TEAD1: variants seen among roughly 807,000 people sequenced by gnomAD.
TEAD1 encodes the protein transcriptional enhancer factor TEF-1.
A neutral mutation model predicts 54.9 loss-of-function variants in TEAD1; 9 were observed. The observed-to-expected ratio is 0.16, with a 90% CI of 0.10 to 0.29. The LOEUF is 0.29. TEAD1 is among the 10% of genes least tolerant of loss of function. The pLI is 1.00. For missense variants in TEAD1, 387 were observed against 535.9 expected (o/e 0.72, Z 2.74); for synonymous variants, 200 against 187.8 (o/e 1.07, Z -0.53).
chr11:12,783,710 A>T (rs187582841), intron 3 of TEAD1, among the ~76,000 whole-genome samples: 3 of 152,268 alleles, frequency 2.0e-5, no homozygotes, highest in Admixed American at 2.0e-4. Context: ...TCCCTCAGGG[A>T]TGGACAAAGT....
At chr11:12,678,735 G>T (rs913458438) in intron 2 of TEAD1, among the ~76,000 whole-genome samples, 1 of 152,132 alleles carries the variant, frequency 6.6e-6, no homozygotes, top group Non-Finnish European at 1.5e-5. Flanking sequence ...GTGTTTTTCT[G>T]TGGGTTTTTA....
At chr11:12,686,186 T>C (rs1346202412) in intron 2 of TEAD1, among the ~76,000 whole-genome samples, 1 of 152,216 alleles carries the variant, frequency 6.6e-6, no homozygotes, top group Non-Finnish European at 1.5e-5. Flanking sequence ...GATGATAAAT[T>C]ATATGCCTAT....
At chr11:12,864,600 T>G in intron 4 of TEAD1, 1 of 1,132,160 alleles carries the variant, frequency 8.8e-7, no homozygotes, top group Non-Finnish European at 1.2e-6. Context: ...GAGTAGCGAT[T>G]TTATATTTGA....
At chr11:12,750,311 A>G (rs1284582112) in intron 2 of TEAD1, among the ~76,000 whole-genome samples, 2 of 152,142 alleles carry the variant, frequency 1.3e-5, no homozygotes, top group African/African-American at 4.8e-5. Context: ...TCTGATGAGC[A>G]TTCATTAGAA....
chr11:12,794,138 A>G (rs1590158128), intron 3 of TEAD1, among the ~76,000 whole-genome samples: 1 of 152,230 alleles, frequency 6.6e-6, no homozygotes, highest in Non-Finnish European at 1.5e-5. Flanking sequence ...TTCAAACCCT[A>G]CTACCACTTC....
intron 1 of TEAD1, among the ~76,000 whole-genome samples, chr11:12,675,106 G>GGCCGC (rs1311773677): frequency 2.0e-5 from 3 of 147,146 alleles, no homozygotes; most frequent in East Asian, 4.0e-4. Context: ...GCCCCCGGCC[G>GGCCGC]GCCGCGCCGC....
intron 8 of TEAD1, among the ~76,000 whole-genome samples, 193 bp downstream of exon 8, chr11:12,882,150 A>G (rs1025801279): frequency 1.5e-4 from 23 of 152,172 alleles, no homozygotes; most frequent in African/African-American, 5.1e-4. Flanking sequence ...TCATCTCCCA[A>G]GAGCTTTTCA....
intron 2 of TEAD1, among the ~76,000 whole-genome samples, chr11:12,736,630 A>G (rs1240427976): frequency 6.6e-6 from 1 of 152,242 alleles, no homozygotes; most frequent in Non-Finnish European, 1.5e-5. Context: ...ATGCTTGAAT[A>G]TATTAAATTT....
At chr11:12,879,534 G>C (rs1947923710) in intron 5 of TEAD1, 174 bp from the exon 6 acceptor site, 1 of 773,348 alleles carries the variant, frequency 1.3e-6, no homozygotes, top group Non-Finnish European at 2.2e-6. Flanking sequence ...GAGAGGTACG[G>C]TAGGTTGAGT....
chr11:12,763,671 C>T (rs1172693504), intron 2 of TEAD1, among the ~76,000 whole-genome samples: 2 of 152,180 alleles, frequency 1.3e-5, no homozygotes, highest in Non-Finnish European at 2.9e-5. Flanking sequence ...ATGCCACTTG[C>T]CATGGTGAAG....
At chr11:12,883,963 C>G (rs1043385440) in intron 9 of TEAD1, among the ~76,000 whole-genome samples, 4 of 150,590 alleles carry the variant, frequency 2.7e-5, no homozygotes, top group African/African-American at 9.8e-5. Flanking sequence ...CCACTGCACT[C>G]CAGCCTGGCG....
At chr11:12,780,796 T>G (rs1030289335) in intron 3 of TEAD1, among the ~76,000 whole-genome samples, 2 of 152,212 alleles carry the variant, frequency 1.3e-5, no homozygotes, top group African/African-American at 4.8e-5. Context: ...GATCTACAGA[T>G]TCAGTGAAAT....
At chr11:12,916,580 T>C (rs1400928753) in intron 10 of TEAD1, among the ~76,000 whole-genome samples, 1 of 152,246 alleles carries the variant, frequency 6.6e-6, no homozygotes, top group Admixed American at 6.5e-5. Flanking sequence ...TCTCCTCATA[T>C]TACCACCGTG....
At chr11:12,806,148 C>T (rs1411545769) in intron 3 of TEAD1, among the ~76,000 whole-genome samples, 1 of 152,114 alleles carries the variant, frequency 6.6e-6, no homozygotes, top group Admixed American at 6.5e-5. Flanking sequence ...ATTTTCTCAC[C>T]TCCTACTTTG....
chr11:12,940,215 C>T lies in TEAD1; in HGVS notation c.*2993C>T, dbSNP rs2134181653. 6.6e-6 allele frequency: 1 copy of T among 152,320 alleles called. No individual in the cohort carries two copies. The highest frequency in any genetic ancestry group is 2.1e-4 in the South Asian group (1 of 4,826). 9.4% of individuals were successfully genotyped at this position (152,320 alleles called of 1,614,324 possible). ...TAGAACCCCAGAATGGCCCAAGTTA[C>T]CTGAGACCAGGGTTTCTCAACCTTG... is the stretch of plus-strand genomic sequence containing the variant. On this transcript the variant is annotated 3_prime_UTR_variant, in exon 13 of 13. Coordinates refer to ENST00000527636, the MANE Select transcript of TEAD1 (RefSeq NM_021961.6).
chr11:12,935,425 TTTCA>T (rs1376629187), intron 12 of TEAD1, among the ~76,000 whole-genome samples: 3 of 151,544 alleles, frequency 2.0e-5, no homozygotes, highest in East Asian at 3.9e-4. Context: ...TGATGTGAAT[TTTCA>T]TTCATTCAGC....
chr11:12,674,727 A>C lies in TEAD1; in HGVS notation c.-315A>C, dbSNP rs1943037277. The C allele has an allele frequency of 6.6e-6, 1 of 150,436 alleles. No homozygotes were observed. The highest frequency in any genetic ancestry group is 1.5e-5 in the Non-Finnish European group (1 of 67,506). The allele number at this position is 150,436 out of a possible 1,614,324, so 9.3% of individuals were successfully genotyped here. A position where few individuals can be genotyped will look rare whatever the true frequency, so the allele number is the denominator to read the frequency against. The stretch of plus-strand genomic sequence containing the variant: ...AGGCAGGGGTGGGGTGGCCGGGCCC[A>C]GGGACCGGGAGCCGGGGAGGGAGCC... On this transcript the variant is annotated 5_prime_UTR_variant, in exon 1 of 13. Coordinates refer to ENST00000527636, the MANE Select transcript of TEAD1 (RefSeq NM_021961.6).
At chr11:12,745,162 A>G (rs7946952) in intron 2 of TEAD1, among the ~76,000 whole-genome samples, 3,470 of 152,308 alleles carry the variant, frequency 0.023, 151 homozygotes, top group African/African-American at 0.08. Flanking sequence ...GGCACGCTGA[A>G]CAAGCAAAGA....
chr11:12,712,661 A>T (rs1943965214), intron 2 of TEAD1, among the ~76,000 whole-genome samples: 1 of 152,234 alleles, frequency 6.6e-6, no homozygotes, highest in Non-Finnish European at 1.5e-5. Flanking sequence ...TGCTGCTATC[A>T]CTACCATTCT....
Sources: allele counts gnomAD v4.1 joint callset (sites outside exome capture counted in the v4.1 genomes callset), GRCh38; gene constraint gnomAD v4.1.1; transcripts MANE v1.5; gene names NCBI Gene and HGNC (gene_info 2026-07-23, HGNC 2026-07-21).